ANKRD45: variants seen among roughly 807,000 people sequenced by gnomAD.
ANKRD45 encodes ankyrin repeat domain-containing protein 45.
Under a neutral mutation model 28.1 loss-of-function variants are expected in ANKRD45, and 21 were observed. The observed-to-expected ratio is 0.75, with a 90% CI of 0.53 to 1.08. ANKRD45 has a LOEUF of 1.08. ANKRD45 is among the 50% of genes least tolerant of loss of function. ANKRD45 has a pLI of 0.00. For synonymous variants in ANKRD45, 86 were observed against 103.9 expected, an observed-to-expected ratio of 0.83 and a Z score of 1.05; for missense variants, 261 against 308.7, an observed-to-expected ratio of 0.85 and a Z score of 1.16.
the ANKRD45 span, among the ~76,000 whole-genome samples, chr1:173,686,740 T>C: frequency 6.6e-6 from 1 of 152,226 alleles, no homozygotes; most frequent in African/African-American, 2.4e-5. Context: ...CTATTTTTAT[T>C]AGTTTTTAGA....
intron 3 of ANKRD45, among the ~76,000 whole-genome samples, chr1:173,632,090 A>G (rs1668222700): frequency 6.6e-6 from 1 of 151,932 alleles, no homozygotes; most frequent in South Asian, 2.1e-4. Context: ...TTGGCAAACC[A>G]TTAGCCAGAC....
At chr1:173,667,962 TCTAA>T (rs1670095254) in intron 1 of ANKRD45, among the ~76,000 whole-genome samples, 1 of 152,228 alleles carries the variant, frequency 6.6e-6, no homozygotes, top group African/African-American at 2.4e-5. Flanking sequence ...AATGCCACTT[TCTAA>T]CTAATTCTTT....
the ANKRD45 span, among the ~76,000 whole-genome samples, chr1:173,692,971 T>C: frequency 6.6e-6 from 1 of 152,216 alleles, no homozygotes; most frequent in South Asian, 2.1e-4. Flanking sequence ...GGTTCTGTTC[T>C]TATATTTTAA....
intron 5 of ANKRD45, 41 bp from the exon 6 acceptor site, chr1:173,610,256 G>C: frequency 6.3e-7 from 1 of 1,580,042 alleles, no homozygotes; most frequent in Non-Finnish European, 8.7e-7. Context: ...TAATTAGTTT[G>C]CAATATGAAA....
chr1:173,649,313 A>G (rs1222760861), intron 2 of ANKRD45, among the ~76,000 whole-genome samples: 1 of 152,172 alleles, frequency 6.6e-6, no homozygotes, highest in African/African-American at 2.4e-5. Context: ...GATTATACCA[A>G]TTTATACTCC....
the ANKRD45 span, among the ~76,000 whole-genome samples, chr1:173,706,708 C>T: frequency 6.6e-6 from 1 of 152,064 alleles, no homozygotes; most frequent in Non-Finnish European, 1.5e-5. Flanking sequence ...TTAATCAGCC[C>T]CCTAATAAGA....
the ANKRD45 span, among the ~76,000 whole-genome samples, chr1:173,679,460 T>C: frequency 3.3e-5 from 5 of 152,206 alleles, no homozygotes; most frequent in African/African-American, 1.2e-4. Context: ...GATCCCTTAT[T>C]TAATAAACGG....
At chr1:173,699,542 C>A in the ANKRD45 span, among the ~76,000 whole-genome samples, 3 of 152,038 alleles carry the variant, frequency 2.0e-5, no homozygotes, top group Admixed American at 1.3e-4. Context: ...AAATGTAATC[C>A]ATCACATAAA....
chr1:173,692,297 C>G, the ANKRD45 span, among the ~76,000 whole-genome samples: 1 of 152,106 alleles, frequency 6.6e-6, no homozygotes, highest in African/African-American at 2.4e-5. Flanking sequence ...AGACATGAGA[C>G]ATTAATCAAC....
the ANKRD45 span, among the ~76,000 whole-genome samples, chr1:173,697,339 G>A: frequency 8.9e-4 from 136 of 152,190 alleles, 1 homozygote; most frequent in African/African-American, 3.1e-3. Flanking sequence ...TCCTCGAGAA[G>A]GGCAACCCCA....
chr1:173,686,548 G>T, the ANKRD45 span, among the ~76,000 whole-genome samples: 1 of 152,056 alleles, frequency 6.6e-6, no homozygotes, highest in Non-Finnish European at 1.5e-5. Context: ...GCTGGTGCTG[G>T]TTTACCAAAA....
At chr1:173,613,864 T>C (rs1168105939) in intron 5 of ANKRD45, among the ~76,000 whole-genome samples, 1 of 152,192 alleles carries the variant, frequency 6.6e-6, no homozygotes, top group African/African-American at 2.4e-5. Flanking sequence ...GAAATCAGAT[T>C]GTTGCTGTGT....
rs1571664075 is a variant in ANKRD45, at chr1:173,609,055, A to T, written c.*1090T>A. ...CAGGTCTTCTTTGTACTGCTCCATA[A>T]ACACCCACTGGGTCGGCCAAAAAGG... On this transcript the variant is annotated 3_prime_UTR_variant, in exon 6 of 6. Coordinates refer to ENST00000333279, the MANE Select transcript of ANKRD45 (RefSeq NM_198493.3). Among the ~76,000 whole-genome samples, 1 of 152,126 alleles carries T rather than the reference A, an allele frequency of 6.6e-6. No homozygotes were observed. Among genetic ancestry groups the T allele is most frequent in the East Asian group, 1.9e-4 (1 of 5,194 alleles).
At chr1:173,674,830 C>A (rs896365728), upstream of ANKRD45, among the ~76,000 whole-genome samples, 8 of 152,168 alleles carry the variant, frequency 5.3e-5, no homozygotes, top group South Asian at 1.7e-3. Context: ...TTTTAGGGAC[C>A]CAAGACATTT....
chr1:173,616,869 C>G (rs2102314543), intron 5 of ANKRD45, among the ~76,000 whole-genome samples: 1 of 152,168 alleles, frequency 6.6e-6, no homozygotes, highest in Non-Finnish European at 1.5e-5. Context: ...TGGCTTGACC[C>G]AGAAAGAATG....
the ANKRD45 span, among the ~76,000 whole-genome samples, chr1:173,689,644 T>G: frequency 6.6e-6 from 1 of 152,212 alleles, no homozygotes; most frequent in African/African-American, 2.4e-5. Context: ...TCTAGGAATC[T>G]CATAGGCCCT....
In ANKRD45 at chr1:173,608,908, A is replaced by AAGGGAGGGGAGGGGAGGGGAAGGGAGG. The variant is rs1553263073; in HGVS notation, c.*1236_*1237insCCTCCCTTCCCCTCCCCTCCCCTCCCT. Among the ~76,000 whole-genome samples, 1 of 44,902 alleles carries AAGGGAGGGGAGGGGAGGGGAAGGGAGG rather than the reference A, an allele frequency of 2.2e-5. No homozygotes were observed. The allele number at this position is 44,902 out of a possible 152,430, so 29.5% of individuals were successfully genotyped here. The stretch of plus-strand genomic sequence containing the variant: ...GGGAGGGGAGGGGAGAGGAAGGGAG[A>AAGGGAGGGGAGGGGAGGGGAAGGGAGG]GGAAGGGAGGGGAAGGGAGGGGAAG... On this transcript the variant is annotated 3_prime_UTR_variant, in exon 6 of 6. Transcript: ENST00000333279.
the ANKRD45 span, among the ~76,000 whole-genome samples, chr1:173,682,102 A>T: frequency 6.6e-6 from 1 of 151,896 alleles, no homozygotes; most frequent in Non-Finnish European, 1.5e-5. Flanking sequence ...ATAAAAACCT[A>T]TCATAGATTG....
intron 3 of ANKRD45, among the ~76,000 whole-genome samples, chr1:173,627,750 C>A (rs12075679): frequency 0.17 from 25,506 of 151,648 alleles, 7,161 homozygotes; most frequent in African/African-American, 0.58. Context: ...GGGATCAGAG[C>A]CAGTGGACTT....
Sources: allele counts gnomAD v4.1 joint callset (sites outside exome capture counted in the v4.1 genomes callset), GRCh38; gene constraint gnomAD v4.1.1; transcripts MANE v1.5; gene names NCBI Gene and HGNC (gene_info 2026-07-23, HGNC 2026-07-21).